Variants in SFI1 observed in about 807,000 individuals in gnomAD.
SFI1 encodes SFI1 centrin binding protein, also known as protein SFI1 homolog.
SFI1 carries 195 observed loss-of-function variants against 207.5 expected under a neutral mutation model. The observed-to-expected ratio is 0.94, with a 90% CI of 0.84 to 1.06. The LOEUF (loss-of-function observed/expected upper bound fraction) is 1.06. Among genes scored for constraint, SFI1 ranks in the 50% least tolerant of loss-of-function variants. SFI1 has a pLI of 0.00. For synonymous variants in SFI1, 630 were observed against 598.9 expected (o/e 1.05, Z -0.76); for missense variants, 1,634 against 1,588.0 (o/e 1.03, Z -0.49).
intron 2 of SFI1, among the ~76,000 whole-genome samples, chr22:31,522,842 G>A (rs987146373): frequency 2.0e-5 from 3 of 152,122 alleles, no homozygotes; most frequent in African/African-American, 7.2e-5. Flanking sequence ...TTTTAGTAGA[G>A]ACGGGGTTTC....
intron 5 of SFI1, among the ~76,000 whole-genome samples, chr22:31,549,485 C>T (rs2060431614): frequency 6.6e-6 from 1 of 151,610 alleles, no homozygotes; most frequent in African/African-American, 2.4e-5. Context: ...CTGCCTCAGC[C>T]TCCTGAGTAG....
chr22:31,528,585 C>T, intron 2 of SFI1, 105 bp from the exon 3 acceptor site: 1 of 1,021,490 alleles, frequency 9.8e-7, no homozygotes, highest in East Asian at 2.4e-5. Flanking sequence ...TATTGTCAGT[C>T]TCAATGAGCT....
At chr22:31,551,052 C>G (rs1306458442) in intron 6 of SFI1, among the ~76,000 whole-genome samples, 1 of 152,140 alleles carries the variant, frequency 6.6e-6, no homozygotes, top group Admixed American at 6.6e-5. Flanking sequence ...AGAAGGCCCT[C>G]TGAGGCATCA....
intron 8 of SFI1, among the ~76,000 whole-genome samples, chr22:31,567,917 C>G (rs139924040): frequency 6.6e-6 from 1 of 152,010 alleles, no homozygotes; most frequent in Admixed American, 6.6e-5. Flanking sequence ...GTTAAAAGGA[C>G]GTAATGAACT....
rs1262765900 is a variant in SFI1, at chr22:31,604,335, G to C, written c.1908G>C (p.Arg636=). Residue 636 remains arginine (R), a synonymous_variant, in exon 19 of 33, where the codon CGG becomes CGC. Transcript: ENST00000400288. ...GCCTGGCCCTGCGGGGAGCGGAGCG[G>C]CAGAAGCTGATGCGAGCAGACCTGC... ...RECLALRGAE[R]QKLMRADLHH... is the part of the protein sequence containing the mutation. 1 of 1,579,790 alleles carries C rather than the reference G, an allele frequency of 6.3e-7. No individual in the cohort carries two copies.
chr22:31,605,155 GC>G (rs1396310736), intron 20 of SFI1: 14 of 413,674 alleles, frequency 3.4e-5, no homozygotes, highest in Non-Finnish European at 1.3e-5. Flanking sequence ...ACCTTGGAAA[GC>G]AGCTGTTACC....
At chr22:31,496,977 G>A (rs925823232) in intron 1 of SFI1, among the ~76,000 whole-genome samples, 9 of 152,222 alleles carry the variant, frequency 5.9e-5, no homozygotes, top group Non-Finnish European at 1.3e-4. Context: ...CCCTTAGCGT[G>A]CGCGGATCCA....
chr22:31,533,837 T>C (rs1024733125), intron 4 of SFI1, among the ~76,000 whole-genome samples: 2 of 21,524 alleles, frequency 9.3e-5, no homozygotes, highest in African/African-American at 1.9e-4. Context: ...GTCAGAATTC[T>C]CTCTTTTTTG....
chr22:31,606,317 T>G lies in SFI1; in HGVS notation c.2055-11T>G. On this transcript the variant is annotated splice_polypyrimidine_tract_variant and intron_variant, in intron 20 of 32. Transcript: ENST00000400288. ...GTGTCATCTGCCTTCCTCGCACCCA[T>G]GCATCTGCAGCGGGGCATTACGTCG... The G allele has an allele frequency of 6.2e-7, 1 of 1,612,148 alleles. No homozygotes were observed. The highest frequency in any genetic ancestry group is 8.5e-7 in the Non-Finnish European group (1 of 1,178,566).
At chr22:31,521,194 A>G (rs2057204858) in intron 2 of SFI1, 1 of 167,072 alleles carries the variant, frequency 6.0e-6, no homozygotes, top group Non-Finnish European at 1.4e-5. Context: ...AAATACAGGC[A>G]TCCTTTACAT....
chr22:31,571,674 T>A (rs543027702), intron 8 of SFI1, among the ~76,000 whole-genome samples: 1 of 152,320 alleles, frequency 6.6e-6, no homozygotes, highest in South Asian at 2.1e-4. Flanking sequence ...ACATTTATTT[T>A]GTCTGAGCTG....
intron 2 of SFI1, among the ~76,000 whole-genome samples, chr22:31,511,507 C>T (rs1341174759): frequency 1.5e-5 from 2 of 130,416 alleles, no homozygotes; most frequent in African/African-American, 2.9e-5. Flanking sequence ...TCTGCTCTGT[C>T]GCTCAGGTTG....
rs2060705917 is a variant in SFI1, at chr22:31,552,393, C to G, written c.544+2045C>G. ...TCAGCCTCTCAAGTACCTGGGACTA[C>G]AGGCGTGTGCCACCATGCCCAACTA... On this transcript the variant is annotated intron_variant, in intron 6 of 32. Coordinates refer to ENST00000400288, the MANE Select transcript of SFI1 (RefSeq NM_001007467.3). Among the ~76,000 whole-genome samples, 3 of 152,102 alleles carry G rather than the reference C, an allele frequency of 2.0e-5. No homozygotes were observed. The South Asian group carries it at 6.2e-4, about 32-fold the overall frequency.
At chr22:31,602,332 G>C (rs749588843) in intron 16 of SFI1, 39 bp downstream of exon 16, 18 of 1,585,062 alleles carry the variant, frequency 1.1e-5, no homozygotes, top group Non-Finnish European at 1.5e-5. Flanking sequence ...GGAGGGGCAG[G>C]ATCTGATTCA....
chr22:31,598,974 A>G (rs1838086870), intron 15 of SFI1, among the ~76,000 whole-genome samples: 1 of 147,466 alleles, frequency 6.8e-6, no homozygotes, highest in Admixed American at 6.8e-5. Flanking sequence ...TTGTGTTTTT[A>G]GTAGAGACGG....
chr22:31,580,542 CTTT>C (rs11347645), intron 12 of SFI1, among the ~76,000 whole-genome samples, 178 bp downstream of exon 12: 13 of 117,282 alleles, frequency 1.1e-4, no homozygotes, highest in East Asian at 2.6e-4. Context: ...CTTTTCTTTT[CTTT>C]TTTTTTTTTT....
chr22:31,580,152 A>G, intron 11 of SFI1, 120 bp from the exon 12 acceptor site: 2 of 691,056 alleles, frequency 2.9e-6, no homozygotes, highest in East Asian at 2.8e-5. Flanking sequence ...AACAGCTACA[A>G]GAAGCTGTGA....
intron 1 of SFI1, among the ~76,000 whole-genome samples, chr22:31,504,410 T>C (rs2054304277): frequency 6.6e-6 from 1 of 152,208 alleles, no homozygotes; most frequent in African/African-American, 2.4e-5. Flanking sequence ...CCTTGTCTGA[T>C]TGTCATTGAA....
intron 8 of SFI1, among the ~76,000 whole-genome samples, chr22:31,572,196 A>G (rs2063020070): frequency 6.6e-6 from 1 of 152,156 alleles, no homozygotes; most frequent in African/African-American, 2.4e-5. Flanking sequence ...TCTTAGTGAA[A>G]TGGGAACGAT....
Sources: gnomAD v4.1 joint callset for allele counts (sites outside exome capture counted in the v4.1 genomes callset) on GRCh38, gnomAD v4.1.1 for gene constraint, MANE v1.5 for transcripts, NCBI Gene and HGNC (gene_info 2026-07-23, HGNC 2026-07-21) for gene names.